SPRED1: variants seen among roughly 807,000 people sequenced by gnomAD.
SPRED1 encodes the protein sprouty-related, EVH1 domain-containing protein 1.
A neutral mutation model predicts 52.3 loss-of-function variants in SPRED1; 18 were observed. The ratio of observed to expected loss-of-function variants is 0.34; its 90% confidence interval spans 0.24 to 0.51. The LOEUF (loss-of-function observed/expected upper bound fraction) is 0.51. Among genes scored for constraint, SPRED1 ranks in the 20% least tolerant of loss-of-function variants. The pLI, the probability that SPRED1 is intolerant of heterozygous loss-of-function variation, is 0.97. For missense variants in SPRED1, 485 were observed against 551.0 expected (o/e 0.88, Z 1.20); for synonymous variants, 155 against 179.7 (o/e 0.86, Z 1.10).
chr15:38,299,230 T>G, intron 1 of SPRED1, 143 bp from the exon 2 acceptor site: 1 of 952,296 alleles, frequency 1.1e-6, no homozygotes, highest in Non-Finnish European at 1.7e-6. Context: ...GTAGGCTACT[T>G]TCTGTAGATT....
intron 1 of SPRED1, among the ~76,000 whole-genome samples, chr15:38,265,731 C>T (rs934691920): frequency 1.3e-5 from 2 of 151,642 alleles, no homozygotes; most frequent in African/African-American, 4.9e-5. Context: ...TAAGTAGATT[C>T]GGTGTCTTGC....
At chr15:38,302,548 G>A (rs1163011816) in intron 2 of SPRED1, among the ~76,000 whole-genome samples, 1 of 152,024 alleles carries the variant, frequency 6.6e-6, no homozygotes, top group Non-Finnish European at 1.5e-5. Flanking sequence ...TACCTATAAA[G>A]CATCTTTATG....
intron 1 of SPRED1, among the ~76,000 whole-genome samples, chr15:38,293,168 C>T (rs1018202184): frequency 2.5e-5 from 3 of 119,790 alleles, no homozygotes; most frequent in Non-Finnish European, 4.8e-5. Flanking sequence ...GGTGTGATCT[C>T]GTCTCACTGC....
Position 38,351,844 on chromosome 15 carries a change from T to C in SPRED1, c.*180T>C. 2.8e-6 allele frequency: 2 copies of C among 703,532 alleles called. No individual in the cohort carries two copies. The highest frequency in any genetic ancestry group is 4.7e-6 in the Non-Finnish European group (2 of 423,088). The allele number at this position is 703,532 out of a possible 1,614,324, so 43.6% of individuals were successfully genotyped here. On this transcript the variant is annotated 3_prime_UTR_variant, in exon 7 of 7. Coordinates refer to ENST00000299084, the MANE Select transcript of SPRED1 (RefSeq NM_152594.3). ...CGCCATGCCTAACTTTTCCCTTGAGTGCATGGCATGTTTTGTTACAGGTTG... is the reference window on the plus strand; with the variant it reads ...CGCCATGCCTAACTTTTCCCTTGAGCGCATGGCATGTTTTGTTACAGGTTG...
intron 5 of SPRED1, among the ~76,000 whole-genome samples, chr15:38,343,506 A>G (rs1048314740): frequency 6.6e-6 from 1 of 152,164 alleles, no homozygotes; most frequent in Non-Finnish European, 1.5e-5. Flanking sequence ...CAGATTTGCT[A>G]TTGAGACAGA....
intron 2 of SPRED1, among the ~76,000 whole-genome samples, chr15:38,302,643 C>G (rs1378741884): frequency 6.6e-6 from 1 of 152,112 alleles, no homozygotes; most frequent in Non-Finnish European, 1.5e-5. Context: ...CCATGAGTGT[C>G]TGGGGCCTCC....
chr15:38,324,876 A>G, intron 4 of SPRED1, 67 bp downstream of exon 4: 2 of 1,274,142 alleles, frequency 1.6e-6, no homozygotes, highest in Non-Finnish European at 2.3e-6. Context: ...GCCTTATTCA[A>G]TAAACTTATC....
chr15:38,344,961 G>A (rs1267033805), intron 5 of SPRED1, among the ~76,000 whole-genome samples: 1 of 152,176 alleles, frequency 6.6e-6, no homozygotes, highest in Non-Finnish European at 1.5e-5. Context: ...CTCTTTTAAA[G>A]CTGCAGTAGA....
At chr15:38,322,210 A>G (rs763539012) in intron 2 of SPRED1, 31 bp from the exon 3 acceptor site, 6 of 1,604,056 alleles carry the variant, frequency 3.7e-6, no homozygotes, top group Non-Finnish European at 5.1e-6. Flanking sequence ...TGATATATGT[A>G]TATTAATTTT....
rs1005383827 is a variant in SPRED1 at position 38,351,270 on chromosome 15, A to C, written c.941A>C (p.Gln314Pro). 2.5e-6 allele frequency: 4 copies of C among 1,614,164 alleles called. No homozygotes were observed. The highest frequency in any genetic ancestry group is 3.4e-6 in the Non-Finnish European group (4 of 1,180,028). The change falls in exon 7 of 7, where the codon CAG (glutamine) becomes CCG (proline). Residue 314 changes from glutamine (Q) to proline (P), a missense_variant. By Grantham distance (76) the Gln-to-Pro change is moderately conservative (BLOSUM62 -1). Transcript: ENST00000299084. ...AAAGACTCTGTGGTATTTAAGACGC[A>C]GCCTTCCTCATTAAAAATTAAGAAG... ...SPKDSVVFKT[Q>P]PSSLKIKKSK...
intron 1 of SPRED1, among the ~76,000 whole-genome samples, chr15:38,296,177 G>A (rs1895034849): frequency 6.6e-6 from 1 of 152,084 alleles, no homozygotes; most frequent in Admixed American, 6.5e-5. Context: ...GCAGTTGGGT[G>A]GGGTATATAA....
intron 1 of SPRED1, among the ~76,000 whole-genome samples, chr15:38,256,333 T>C (rs560111317): frequency 6.6e-6 from 1 of 152,244 alleles, no homozygotes; most frequent in South Asian, 2.1e-4. Flanking sequence ...CCGATAGATA[T>C]AACTGTACCA....
chr15:38,271,100 C>T (rs1021649914), intron 1 of SPRED1, among the ~76,000 whole-genome samples: 11 of 152,090 alleles, frequency 7.2e-5, no homozygotes, highest in Non-Finnish European at 1.0e-4. Context: ...TATTGAGCGA[C>T]AAAGTCATTA....
chr15:38,297,929 T>C (rs1040044015), intron 1 of SPRED1, among the ~76,000 whole-genome samples: 2 of 152,200 alleles, frequency 1.3e-5, no homozygotes, highest in Non-Finnish European at 2.9e-5. Flanking sequence ...AATTTGACTC[T>C]AGAATTCTCA....
chr15:38,263,844 T>C (rs1044408635), intron 1 of SPRED1, among the ~76,000 whole-genome samples: 1 of 152,086 alleles, frequency 6.6e-6, no homozygotes, highest in Admixed American at 6.5e-5. Flanking sequence ...AATCTCATAA[T>C]GTTATAAGAA....
rs1349079211 is a variant in SPRED1 at position 38,355,971 on chromosome 15, G to C, written c.*4307G>C. The C allele has an allele frequency of 6.6e-6, 1 of 152,166 alleles. No homozygotes were observed. Among genetic ancestry groups the C allele is most frequent in the African/African-American group, 2.4e-5 (1 of 41,456 alleles). The allele number at this position is 152,166 out of a possible 1,614,324, so 9.4% of individuals were successfully genotyped here. A position where few individuals can be genotyped will look rare whatever the true frequency, so the allele number is the denominator to read the frequency against. The stretch of plus-strand genomic sequence containing the variant: ...GGTATTAGGTACTGTTTGCCTAGCA[G>C]CCAGGTGGTTATAAAAGATTCATAT... On this transcript the variant is annotated 3_prime_UTR_variant, in exon 7 of 7. Coordinates refer to ENST00000299084, the MANE Select transcript of SPRED1 (RefSeq NM_152594.3).
At chr15:38,270,382 A>C (rs976344501) in intron 1 of SPRED1, among the ~76,000 whole-genome samples, 2 of 152,224 alleles carry the variant, frequency 1.3e-5, no homozygotes, top group African/African-American at 4.8e-5. Context: ...AGATAATTTT[A>C]GTTGTTTCAC....
chr15:38,263,125 C>T (rs527488579), intron 1 of SPRED1, among the ~76,000 whole-genome samples: 3 of 152,202 alleles, frequency 2.0e-5, no homozygotes, highest in East Asian at 1.9e-4. Context: ...TTCAAATGTC[C>T]AACGATTATT....
At chr15:38,343,485 A>G (rs767202263) in intron 5 of SPRED1, among the ~76,000 whole-genome samples, 4 of 152,192 alleles carry the variant, frequency 2.6e-5, no homozygotes, top group Non-Finnish European at 4.4e-5. Flanking sequence ...AGTGAAGTTT[A>G]GGTAGAGTTA....
Sources: allele counts gnomAD v4.1 joint callset (sites outside exome capture counted in the v4.1 genomes callset), GRCh38; gene constraint gnomAD v4.1.1; transcripts MANE v1.5; gene names NCBI Gene and HGNC (gene_info 2026-07-23, HGNC 2026-07-21).